The following TRIM6 variants were observed in gnomAD, a reference collection of about 807,000 sequenced individuals.
TRIM6 encodes tripartite motif-containing protein 6.
TRIM6 carries 43 observed loss-of-function variants against 51.2 expected under a neutral mutation model. The ratio of observed to expected loss-of-function variants is 0.84; its 90% CI spans 0.66 to 1.08. The LOEUF (loss-of-function observed/expected upper bound fraction) is 1.08, where lower values mean the gene tolerates loss of function less well. Among genes scored for constraint, TRIM6 ranks in the 50% least tolerant of loss-of-function variants. The pLI is 0.00. For missense variants in TRIM6, 669 were observed against 619.0 expected, an observed-to-expected ratio of 1.08 and a Z score of -0.86; for synonymous variants, 215 against 232.4, an observed-to-expected ratio of 0.93 and a Z score of 0.68.
intron 1 of TRIM6, 151 bp downstream of exon 1, chr11:5,597,065 G>T: frequency 6.6e-6 from 6 of 911,850 alleles, no homozygotes; most frequent in Non-Finnish European, 9.5e-6. Flanking sequence ...TGAGGTTAGA[G>T]ACATTTTAAT....
At chr11:5,598,655 G>A (rs1847629049) in intron 1 of TRIM6, among the ~76,000 whole-genome samples, 1 of 152,078 alleles carries the variant, frequency 6.6e-6, no homozygotes. Flanking sequence ...TGTGTATTTT[G>A]TACCTAAAGC....
intron 3 of TRIM6, chr11:5,604,939 C>A (rs538341888): frequency 1.8e-5 from 8 of 445,030 alleles, no homozygotes; most frequent in Non-Finnish European, 3.2e-5. Flanking sequence ...ATTCAGAGTA[C>A]AAATGCAAGG....
intron 1 of TRIM6, 85 bp downstream of exon 1, chr11:5,596,999 T>A: frequency 6.2e-7 from 1 of 1,602,642 alleles, no homozygotes; most frequent in Non-Finnish European, 8.5e-7. Context: ...GTCCTTTCCC[T>A]TTCGGAACTC....
chr11:5,608,942 G>A (rs1848397248), intron 5 of TRIM6, among the ~76,000 whole-genome samples: 1 of 138,454 alleles, frequency 7.2e-6, no homozygotes, highest in Admixed American at 8.1e-5. Flanking sequence ...CTTCCTGCCC[G>A]TGAATTTTAT....
Position 5,605,402 on chromosome 11 carries a change from C to A in TRIM6, c.669C>A (p.Asp223Glu). Reference sequence around the variant, plus strand: ...TTAATCAGCTGCGAAATATCCTAGACAGAGTGGAGCAACGGGAGCTGAAAA... The same window carrying A: ...TTAATCAGCTGCGAAATATCCTAGAAAGAGTGGAGCAACGGGAGCTGAAAA... ...TEFNQLRNIL[D>E]RVEQRELKKL... Residue 223 changes from aspartate to glutamate, a missense_variant, in exon 4 of 8, where the codon GAC becomes GAA. Transcript: ENST00000380097. 1.9e-6 allele frequency: 3 copies of A among 1,614,162 alleles called. No individual in the cohort carries two copies. Among genetic ancestry groups the A allele is most frequent in the Non-Finnish European group, 2.5e-6 (3 of 1,180,036 alleles).
intron 2 of TRIM6, 25 bp from the exon 3 acceptor site, chr11:5,604,509 C>A (rs765785109): frequency 6.2e-7 from 1 of 1,604,406 alleles, no homozygotes; most frequent in South Asian, 1.1e-5. Context: ...CTTGATCCTG[C>A]TTGACCTGAT....
At chr11:5,610,270 T>C in intron 6 of TRIM6, 25 bp downstream of exon 6, 1 of 1,613,540 alleles carries the variant, frequency 6.2e-7, no homozygotes, top group Non-Finnish European at 8.5e-7. Context: ...GGGAAAGAGT[T>C]TGGATGTGAA....
chr11:5,608,997 T>C (rs1259668320), intron 5 of TRIM6, among the ~76,000 whole-genome samples: 1 of 151,988 alleles, frequency 6.6e-6, no homozygotes, highest in East Asian at 1.9e-4. Context: ...GTCTAAGAAT[T>C]TGGTCTTGGC....
Position 5,610,829 on chromosome 11 carries a change from A to G in TRIM6, c.1038A>G (p.Lys346=). 2 of 1,614,180 alleles carry G rather than the reference A, an allele frequency of 1.2e-6. No homozygotes were observed. The highest frequency in any genetic ancestry group is 1.7e-6 in the Non-Finnish European group (2 of 1,180,030). ...CTAATTTAAATCTTGTCCTGGCTAA[A>G]AACCGGAGACAAGTGAGGTTTGTGG... ...HTANLNLVLA[K]NRRQVRFVGA... Residue 346 remains lysine, a synonymous_variant, in exon 8 of 8, where the codon AAA becomes AAG. Coordinates refer to ENST00000380097, the MANE Select transcript of TRIM6 (RefSeq NM_001003818.3).
intron 4 of TRIM6, among the ~76,000 whole-genome samples, chr11:5,607,141 G>C (rs779065974): frequency 6.6e-6 from 1 of 151,856 alleles, no homozygotes; most frequent in Non-Finnish European, 1.5e-5. Flanking sequence ...GAGGCGGAGC[G>C]TGCAGTGAGC....
At chr11:5,605,769 T>C (rs1848168512) in intron 4 of TRIM6, among the ~76,000 whole-genome samples, 1 of 152,204 alleles carries the variant, frequency 6.6e-6, no homozygotes, top group South Asian at 2.1e-4. Flanking sequence ...CAAGGGAAAG[T>C]CCCATTTTTA....
chr11:5,611,328 C>T lies in TRIM6; in HGVS notation c.1537C>T (p.Arg513Cys), dbSNP rs140716776. Residue 513 changes from arginine (R) to cysteine (C), a missense_variant, in exon 8 of 8, where the codon CGT becomes TGT. Arg to Cys is a radical substitution (Grantham distance 180). Coordinates refer to ENST00000380097, the MANE Select transcript of TRIM6 (RefSeq NM_001003818.3). ...CNCVIPMTLR[R>C]PSS is the part of the protein sequence containing the mutation. ...CTGTGTAATTCCTATGACCCTGCGT[C>T]GTCCAAGCTCTTGAATATTCTTCTG... The T allele has an allele frequency of 8.8e-4, 1,415 of 1,612,890 alleles. 30 individuals are homozygous for T. In the South Asian group the frequency reaches 0.014, roughly 16 times the overall value.
intron 4 of TRIM6, 53 bp downstream of exon 4, chr11:5,605,620 C>G: frequency 6.5e-7 from 1 of 1,532,542 alleles, no homozygotes; most frequent in South Asian, 1.3e-5. Context: ...GAGAAACTAA[C>G]TTTCCTTCCT....
intron 1 of TRIM6, among the ~76,000 whole-genome samples, chr11:5,597,651 C>T (rs1847554892): frequency 6.6e-6 from 1 of 152,134 alleles, no homozygotes; most frequent in Non-Finnish European, 1.5e-5. Context: ...GTGGACGGGC[C>T]CGCTCTGTCA....
intron 1 of TRIM6, among the ~76,000 whole-genome samples, chr11:5,602,135 T>C (rs1413313711): frequency 1.3e-5 from 2 of 152,288 alleles, no homozygotes; most frequent in Middle Eastern, 3.4e-3. Flanking sequence ...AAGATCTGTA[T>C]TAAGTGGTGT....
In TRIM6 at chr11:5,608,528, G is replaced by C. The variant is rs897129417; in HGVS notation, c.857+134G>C. ...GTAGTCTTGAATCGCGCATCACATGGAGTTTTGGCATCCCCAAATAAAGGG... is the reference window on the plus strand; with the variant it reads ...GTAGTCTTGAATCGCGCATCACATGCAGTTTTGGCATCCCCAAATAAAGGG... On this transcript the variant is annotated intron_variant, in intron 5 of 7. Coordinates refer to ENST00000380097, the MANE Select transcript of TRIM6 (RefSeq NM_001003818.3). 18 of 1,385,166 alleles carry C rather than the reference G, an allele frequency of 1.3e-5. No individual in the cohort carries two copies. The Admixed American group carries it at 4.4e-4, about 34-fold the overall frequency. The allele number at this position is 1,385,166 out of a possible 1,614,324, so 85.8% of individuals were successfully genotyped here.
intron 3 of TRIM6, 118 bp from the exon 4 acceptor site, chr11:5,605,219 C>CAGAGGGTAAAAG: frequency 2.2e-6 from 3 of 1,352,524 alleles, no homozygotes; most frequent in Non-Finnish European, 3.1e-6. Context: ...ATTTACCCTC[C>CAGAGGGTAAAAG]CTCTCCCTGG....
At chr11:5,597,537 G>C (rs947493929) in intron 1 of TRIM6, among the ~76,000 whole-genome samples, 6 of 151,882 alleles carry the variant, frequency 4.0e-5, no homozygotes, top group African/African-American at 1.5e-4. Context: ...CCTACACAAA[G>C]ATAAAAAAAA....
Position 5,603,551 on chromosome 11 carries a change from G to A in TRIM6, c.323G>A (p.Arg108Gln), listed in dbSNP as rs141427523. The change falls in exon 2 of 8, where the codon CGG becomes CAG. Residue 108 changes from arginine to glutamine, a missense_variant. Transcript: ENST00000380097. ...PNRHLANIVRRLREVVLGPGK... is the reference protein window; with the variant it reads ...PNRHLANIVRQLREVVLGPGK... Reference sequence around the variant, plus strand: ...CGGCATCTGGCCAACATAGTGAGGCGGCTCAGAGAGGTAGTGTTGGGCCCT... The same window carrying A: ...CGGCATCTGGCCAACATAGTGAGGCAGCTCAGAGAGGTAGTGTTGGGCCCT... 2.6e-5 allele frequency: 42 copies of A among 1,613,900 alleles called. No individual in the cohort carries two copies. The highest frequency in any genetic ancestry group is 3.3e-5 in the Admixed American group (2 of 59,960).
Sources: gnomAD v4.1 joint callset for allele counts (sites outside exome capture counted in the v4.1 genomes callset) on GRCh38, gnomAD v4.1.1 for gene constraint, MANE v1.5 for transcripts, NCBI Gene and HGNC (gene_info 2026-07-23, HGNC 2026-07-21) for gene names.